The following PDE4B variants were observed in gnomAD, a reference collection of about 807,000 sequenced individuals.
PDE4B encodes the protein phosphodiesterase 4B.
A neutral mutation model predicts 82.2 loss-of-function variants in PDE4B; 20 were observed. The ratio of observed to expected loss-of-function variants is 0.24; its 90% confidence interval spans 0.17 to 0.35. The LOEUF is 0.35. Among genes scored for constraint, PDE4B ranks in the 10% least tolerant of loss-of-function variants. The pLI is 1.00. For missense variants in PDE4B, 655 were observed against 907.2 expected, an observed-to-expected ratio of 0.72 and a Z score of 3.57; for synonymous variants, 320 against 318.9, an observed-to-expected ratio of 1.00 and a Z score of -0.04.
chr1:66,046,758 A>G (rs1352011158), intron 3 of PDE4B, among the ~76,000 whole-genome samples: 1 of 151,886 alleles, frequency 6.6e-6, no homozygotes, highest in East Asian at 1.9e-4. Context: ...CTACTCAATG[A>G]GGAAAGAAAT....
chr1:65,799,695 A>G (rs900695569), intron 1 of PDE4B, among the ~76,000 whole-genome samples: 1 of 152,164 alleles, frequency 6.6e-6, no homozygotes. Context: ...TGTCCTGGGC[A>G]TGCTACATTG....
Position 65,844,097 on chromosome 1 carries a change from T to G in PDE4B, c.-71+50849T>G, listed in dbSNP as rs149604959. 5.3e-5 allele frequency among the ~76,000 whole-genome samples: 8 copies of G among 152,310 alleles called. No individual in the cohort carries two copies. The East Asian group carries it at 1.5e-3, about 29-fold the overall frequency. On this transcript the variant is annotated intron_variant, in intron 1 of 16. Transcript: ENST00000341517. ...TCAAACATTTCTTATCCACATGTCT[T>G]CAATATATAATCATAATATTTGGTA...
intron 3 of PDE4B, among the ~76,000 whole-genome samples, chr1:65,974,762 A>G (rs911724262): frequency 6.6e-6 from 1 of 152,126 alleles, no homozygotes; most frequent in Non-Finnish European, 1.5e-5. Flanking sequence ...GCTTCACCAT[A>G]GTATGATGCG....
chr1:66,299,343 C>T (rs1411651934), intron 7 of PDE4B, among the ~76,000 whole-genome samples: 1 of 152,116 alleles, frequency 6.6e-6, no homozygotes, highest in Non-Finnish European at 1.5e-5. Flanking sequence ...CTGTACCTGA[C>T]TTATTTTACT....
chr1:66,058,648 G>A (rs149423927), intron 3 of PDE4B, among the ~76,000 whole-genome samples: 116 of 152,344 alleles, frequency 7.6e-4, no homozygotes, highest in African/African-American at 2.5e-3. Flanking sequence ...CTTAGGACTT[G>A]CACCCTCTGA....
chr1:66,067,772 G>A (rs948316307), intron 3 of PDE4B, among the ~76,000 whole-genome samples: 3 of 151,900 alleles, frequency 2.0e-5, no homozygotes, highest in African/African-American at 7.2e-5. Flanking sequence ...CCATGCCTAT[G>A]TCCTATGTCC....
chr1:66,038,402 A>G (rs770030198), intron 3 of PDE4B, among the ~76,000 whole-genome samples: 2 of 152,144 alleles, frequency 1.3e-5, no homozygotes, highest in Non-Finnish European at 2.9e-5. Context: ...GTGTAGAATC[A>G]GAGATTTCCA....
chr1:66,246,695 A>G (rs1227684855), intron 3 of PDE4B, among the ~76,000 whole-genome samples: 2 of 152,236 alleles, frequency 1.3e-5, no homozygotes, highest in South Asian at 2.1e-4. Context: ...TGATCAGAGC[A>G]TGTTCAAATA....
At chr1:65,796,156 T>C (rs1009582683) in intron 1 of PDE4B, among the ~76,000 whole-genome samples, 4 of 152,248 alleles carry the variant, frequency 2.6e-5, no homozygotes, top group South Asian at 2.1e-4. Context: ...ATTTTCTATA[T>C]CTTCATTTTT....
At position 66,069,469 on chromosome 1, in the gene PDE4B, T is replaced by G. The variant is rs149986151; in HGVS notation, c.281+150634T>G. On this transcript the variant is annotated intron_variant, in intron 3 of 16. Coordinates refer to ENST00000341517, the MANE Select transcript of PDE4B (RefSeq NM_002600.4). The stretch of plus-strand genomic sequence containing the variant: ...TTCTTTTCTCAGCTCTTCCATAGCA[T>G]ATGATTATACTTCTGCCTTTAGCAT... 2.8e-3 allele frequency among the ~76,000 whole-genome samples: 433 copies of G among 152,174 alleles called. 1 individual carries two copies. Among genetic ancestry groups the G allele is most frequent in the South Asian group, 8.5e-3 (41 of 4,826 alleles).
At chr1:65,816,412 A>C (rs2101220525) in intron 1 of PDE4B, among the ~76,000 whole-genome samples, 1 of 152,316 alleles carries the variant, frequency 6.6e-6, no homozygotes, top group South Asian at 2.1e-4. Context: ...TTCAGAAGGA[A>C]AAATAGCCAG....
intron 7 of PDE4B, among the ~76,000 whole-genome samples, chr1:66,288,307 T>C (rs1003320850): frequency 1.3e-5 from 2 of 152,002 alleles, no homozygotes; most frequent in Non-Finnish European, 1.5e-5. Flanking sequence ...TGCTAAACCA[T>C]TGATGAGAAA....
chr1:66,202,986 C>T (rs1000845183), intron 3 of PDE4B, among the ~76,000 whole-genome samples: 79 of 152,108 alleles, frequency 5.2e-4, no homozygotes, highest in African/African-American at 1.7e-3. Flanking sequence ...TGGCTGATAC[C>T]GGTTGTTCAT....
At chr1:65,961,140 A>G (rs186892059) in intron 3 of PDE4B, among the ~76,000 whole-genome samples, 5 of 152,294 alleles carry the variant, frequency 3.3e-5, no homozygotes, top group African/African-American at 7.2e-5. Flanking sequence ...TCATAATAAT[A>G]TAGAGAAAAA....
At chr1:65,902,402 TA>T (rs1313682070) in intron 1 of PDE4B, among the ~76,000 whole-genome samples, 1 of 152,152 alleles carries the variant, frequency 6.6e-6, no homozygotes, top group Non-Finnish European at 1.5e-5. Context: ...GTATCAGTGA[TA>T]AGAAGTTTTG....
chr1:65,948,783 C>T (rs752791019), intron 3 of PDE4B, among the ~76,000 whole-genome samples: 21 of 152,142 alleles, frequency 1.4e-4, no homozygotes, highest in South Asian at 4.1e-4. Flanking sequence ...GAGTAATTTA[C>T]GGATTGATCG....
chr1:65,925,855 T>C (rs906860964), intron 3 of PDE4B, among the ~76,000 whole-genome samples: 1 of 152,202 alleles, frequency 6.6e-6, no homozygotes, highest in Non-Finnish European at 1.5e-5. Context: ...ATCATCTAGC[T>C]GAAACATGAT....
chr1:66,186,266 C>T (rs531150207), intron 3 of PDE4B, among the ~76,000 whole-genome samples: 12 of 152,220 alleles, frequency 7.9e-5, no homozygotes, highest in South Asian at 2.1e-4. Context: ...AGTCAGGTAG[C>T]GTGATGCCTC....
rs189553378 is a variant in PDE4B, at chr1:66,163,035, C to T, written c.282-84425C>T. 1.1e-4 allele frequency among the ~76,000 whole-genome samples: 16 copies of T among 152,178 alleles called. No homozygotes were observed. The East Asian group carries it at 2.3e-3, about 22-fold the overall frequency. On this transcript the variant is annotated intron_variant, in intron 3 of 16. Coordinates refer to ENST00000341517, the MANE Select transcript of PDE4B (RefSeq NM_002600.4). The stretch of plus-strand genomic sequence containing the variant: ...TCCTAAATCAGGGTAATAATGCTAC[C>T]ATCCTTCTAGATTTGTCATAATGTT...
Sources: allele counts gnomAD v4.1 joint callset (sites outside exome capture counted in the v4.1 genomes callset), GRCh38; gene constraint gnomAD v4.1.1; transcripts MANE v1.5; gene names NCBI Gene and HGNC (gene_info 2026-07-23, HGNC 2026-07-21).